Variants in STAB1 observed in about 807,000 individuals in gnomAD.
The protein encoded by STAB1 is stabilin 1, also known as stabilin-1.
STAB1 carries 250 observed loss-of-function variants against 332.4 expected under a neutral mutation model. That is an observed-to-expected ratio of 0.75 (90% confidence interval 0.68 to 0.84). The LOEUF is 0.84. STAB1 is among the 40% of genes least tolerant of loss of function. The pLI, the probability that STAB1 is intolerant of heterozygous loss-of-function variation, is 0.00. For synonymous variants in STAB1, 1,475 were observed against 1,390.4 expected, an observed-to-expected ratio of 1.06 and a Z score of -1.35; for missense variants, 3,249 against 3,489.7, an observed-to-expected ratio of 0.93 and a Z score of 1.74.
chr3:52,496,841 C>T (rs984629205), intron 1 of STAB1, among the ~76,000 whole-genome samples: 1 of 152,180 alleles, frequency 6.6e-6, no homozygotes, highest in Non-Finnish European at 1.5e-5. Context: ...CAGTGCTGGC[C>T]ACTCTAACAC....
rs1420214931 is a variant in STAB1, at chr3:52,502,079, C to G, written c.405C>G (p.Thr135=). 5 of 1,613,622 alleles carry G rather than the reference C, an allele frequency of 3.1e-6. No homozygotes were observed. The South Asian group carries it at 5.5e-5, about 18-fold the overall frequency. ...TGGATGGCATGGACAGGAATGGGACCTGTGTGTGCCAGGTAAGGGCTGGGC... is the reference window on the plus strand; with the variant it reads ...TGGATGGCATGGACAGGAATGGGACGTGTGTGTGCCAGGTAAGGGCTGGGC... ...TCLDGMDRNG[T]CVCQENFRGS... The change falls in exon 4 of 69, where the codon ACC becomes ACG. Residue 135 remains threonine, a synonymous_variant. Transcript: ENST00000321725.
chr3:52,504,469 T>G lies in STAB1; in HGVS notation c.1159T>G (p.Cys387Gly). The change falls in exon 11 of 69, where the codon TGC becomes GGC. Residue 387 changes from cysteine (C) to glycine (G), a missense_variant. Transcript: ENST00000321725. ...CTCACCCTGCCCCCCAGACCAGGGC[T>G]GCCGGGAAATCCTTACCACAGCGGG... Reference protein sequence around the residue: ...RVAVAMMDQGCREILTTAGPF... With the variant: ...RVAVAMMDQGGREILTTAGPF... The G allele has an allele frequency of 1.2e-6, 2 of 1,614,004 alleles. No homozygotes were observed. Among genetic ancestry groups the G allele is most frequent in the Non-Finnish European group, 8.5e-7 (1 of 1,180,000 alleles).
At position 52,508,015 on chromosome 3, in the gene STAB1, C is replaced by G. The variant is rs763035003; in HGVS notation, c.2137C>G (p.Gln713Glu). ...LKKGCASYCN[Q>E]TIMEQGCCKG... is the part of the protein sequence containing the mutation. ...GAAGGGCTGTGCCAGCTACTGCAAC[C>G]AAACCATCATGGTAAGCGTGGGCAT... The change falls in exon 20 of 69, where the codon CAA becomes GAA. Residue 713 changes from glutamine (Q) to glutamate (E), a missense_variant. Coordinates refer to ENST00000321725, the MANE Select transcript of STAB1 (RefSeq NM_015136.3). 1.7e-5 allele frequency: 27 copies of G among 1,613,416 alleles called. No homozygotes were observed. The Admixed American group carries it at 4.3e-4, about 26-fold the overall frequency.
rs368213653 is a variant in STAB1, at chr3:52,505,328, G to A, written c.1528G>A (p.Gly510Arg). 2.4e-5 allele frequency: 38 copies of A among 1,613,490 alleles called. No homozygotes were observed. Among genetic ancestry groups the A allele is most frequent in the South Asian group, 6.6e-5 (6 of 91,068 alleles). The change falls in exon 14 of 69, where the codon GGA becomes AGA. Residue 510 changes from glycine (G) to arginine (R), a missense_variant. Gly to Arg is a moderately radical substitution (Grantham distance 125). Transcript: ENST00000321725. ...GTPGDPKRTI[G>R]QILASTEAFS... Reference sequence around the variant, plus strand: ...TCATCCCTCCTTACAGAGAACTATCGGACAGATCCTCGCCTCTACCGAGGC... The same window carrying A: ...TCATCCCTCCTTACAGAGAACTATCAGACAGATCCTCGCCTCTACCGAGGC...
intron 59 of STAB1, 23 bp from the exon 60 acceptor site, chr3:52,522,307 C>T: frequency 6.2e-7 from 1 of 1,612,404 alleles, no homozygotes; most frequent in Non-Finnish European, 8.5e-7. Flanking sequence ...GTGAAGGGCG[C>T]CCACTGCTCT....
chr3:52,508,047 C>T, intron 20 of STAB1, 21 bp downstream of exon 20: 1 of 1,608,670 alleles, frequency 6.2e-7, no homozygotes, highest in Non-Finnish European at 8.5e-7. Context: ...GCATGGGTGC[C>T]CACTCCCAGG....
In STAB1 at chr3:52,521,718, C is replaced by T. The variant is rs759999496; in HGVS notation, c.6163+18C>T. The T allele has an allele frequency of 1.1e-5, 17 of 1,611,626 alleles. No individual in the cohort carries two copies. Among genetic ancestry groups the T allele is most frequent in the Middle Eastern group, 1.6e-4 (1 of 6,070 alleles). On this transcript the variant is annotated intron_variant, in intron 57 of 68. Coordinates refer to ENST00000321725, the MANE Select transcript of STAB1 (RefSeq NM_015136.3). ...GCAACTGGGTGAGTAGCCCCGTGCTCGTGCCCACCCTACACACTTGTGTAC... is the reference window on the plus strand; with the variant it reads ...GCAACTGGGTGAGTAGCCCCGTGCTTGTGCCCACCCTACACACTTGTGTAC...
chr3:52,516,496 G>A, intron 39 of STAB1, 45 bp downstream of exon 39: 1 of 1,613,468 alleles, frequency 6.2e-7, no homozygotes, highest in Non-Finnish European at 8.5e-7. Context: ...TACTGAGGAG[G>A]CTGTTCCTGG....
rs1012640110 is a variant in STAB1 at position 52,508,269 on chromosome 3, A to G, written c.2149-4A>G. On this transcript the variant is annotated splice_polypyrimidine_tract_variant and splice_region_variant and intron_variant, in intron 20 of 68. Coordinates refer to ENST00000321725, the MANE Select transcript of STAB1 (RefSeq NM_015136.3). ...GCCTCTTGGACCTGTTCTGTCTCTT[A>G]TAGGAACAAGGCTGCTGCAAAGGTT... 1 of 1,610,552 alleles carries G rather than the reference A, an allele frequency of 6.2e-7. No individual in the cohort carries two copies. The highest frequency in any genetic ancestry group is 1.1e-5 in the South Asian group (1 of 90,886).
At position 52,512,966 on chromosome 3, in the gene STAB1, C is replaced by T. The variant is rs762216846; in HGVS notation, c.3158+8C>T. The T allele has an allele frequency of 3.5e-5, 56 of 1,605,260 alleles. No homozygotes were observed. Among genetic ancestry groups the T allele is most frequent in the East Asian group, 4.5e-5 (2 of 44,738 alleles). The stretch of plus-strand genomic sequence containing the variant: ...GCTGCCGAACCTGGTCAGGTGGGGC[C>T]GCCATTGCCAGGCTGTGGGAGGGGC... On this transcript the variant is annotated splice_region_variant and intron_variant, in intron 29 of 68. Coordinates refer to ENST00000321725, the MANE Select transcript of STAB1 (RefSeq NM_015136.3).
intron 63 of STAB1, 25 bp downstream of exon 63, chr3:52,523,159 CG>C (rs771082556): frequency 1.9e-6 from 3 of 1,608,868 alleles, no homozygotes; most frequent in East Asian, 2.2e-5. Context: ...CCCTTGGGGG[CG>C]GGGGGTGCTG....
chr3:52,520,040 C>A lies in STAB1; in HGVS notation c.5332C>A (p.Arg1778Ser). ...CGCCTTTCGAGCTCTGCCTCCGGATCGCCAGGCCTGGCTGTACCATGAGGA... is the reference window on the plus strand; with the variant it reads ...CGCCTTTCGAGCTCTGCCTCCGGATAGCCAGGCCTGGCTGTACCATGAGGA... ...DAAFRALPPD[R>S]QAWLYHEDHR... Residue 1778 changes from arginine to serine, a missense_variant, in exon 51 of 69, where the codon CGC becomes AGC. Physicochemically the swap from Arg to Ser is moderately radical, Grantham distance 110 (BLOSUM62 -1). Transcript: ENST00000321725. 6.2e-7 allele frequency: 1 copy of A among 1,612,702 alleles called. No individual in the cohort carries two copies. Among genetic ancestry groups the A allele is most frequent in the Non-Finnish European group, 8.5e-7 (1 of 1,179,922 alleles).
At position 52,516,140 on chromosome 3, in the gene STAB1, G is replaced by C; in HGVS notation, c.4046G>C (p.Arg1349Thr). Reference sequence around the variant, plus strand: ...TCAGGCCATGGGCAGTGCCAGGACAGGTTCCTGGGCAGCGGGGAGTGCCAC... The same window carrying C: ...TCAGGCCATGGGCAGTGCCAGGACACGTTCCTGGGCAGCGGGGAGTGCCAC... ...VCSGHGQCQD[R>T]FLGSGECHCH... is the part of the protein sequence containing the mutation. The change falls in exon 38 of 69, where the codon AGG becomes ACG. Residue 1349 changes from arginine to threonine, a missense_variant. Arg to Thr is a moderately conservative substitution (Grantham distance 71, BLOSUM62 -1). Transcript: ENST00000321725. 1 of 1,612,274 alleles carries C rather than the reference G, an allele frequency of 6.2e-7. No homozygotes were observed. The highest frequency in any genetic ancestry group is 8.5e-7 in the Non-Finnish European group (1 of 1,179,744).
Position 52,524,429 on chromosome 3 carries a change from C to T in STAB1, c.*73C>T, listed in dbSNP as rs1430901018. 2 of 1,611,828 alleles carry T rather than the reference C, an allele frequency of 1.2e-6. No individual in the cohort carries two copies. Among genetic ancestry groups the T allele is most frequent in the Non-Finnish European group, 1.7e-6 (2 of 1,179,222 alleles). On this transcript the variant is annotated 3_prime_UTR_variant, in exon 69 of 69. Transcript: ENST00000321725. ...TTATTGCTTGTCTGGGTGGATGGGG[C>T]AGGAGGGGCTGAGGGCCTGTCCCAG...
intron 1 of STAB1, among the ~76,000 whole-genome samples, chr3:52,497,407 CT>C (rs1200611448): frequency 0.038 from 4,244 of 111,810 alleles, 40 homozygotes; most frequent in African/African-American, 0.11. Flanking sequence ...AATTCGATGC[CT>C]TTTTTTTTTT....
chr3:52,496,279 C>T (rs1003378764), intron 1 of STAB1, among the ~76,000 whole-genome samples: 1 of 152,248 alleles, frequency 6.6e-6, no homozygotes, highest in Non-Finnish European at 1.5e-5. Flanking sequence ...ATGGTAGGGG[C>T]CTCTGGGAGC....
rs80100010 is a variant in STAB1 at position 52,522,592 on chromosome 3, C to T, written c.6648C>T (p.Ser2216=). ...RAGVFHLQAT[S]GPYGLNFSEA... ...GCGTTTTCCACCTCCAGGCCACCAG[C>T]GGCCCTTATGGTCTGAACTTTTCGG... is the stretch of plus-strand genomic sequence containing the variant. The change falls in exon 61 of 69, where the codon AGC becomes AGT. Residue 2216 remains serine (S), a synonymous_variant. Transcript: ENST00000321725. 3,068 of 1,613,060 alleles carry T rather than the reference C, an allele frequency of 1.9e-3. 61 individuals are homozygous for T. The African/African-American group carries it at 0.037, about 19-fold the overall frequency.
intron 1 of STAB1, among the ~76,000 whole-genome samples, chr3:52,496,999 T>C (rs1019895191): frequency 2.0e-5 from 3 of 152,214 alleles, no homozygotes; most frequent in Non-Finnish European, 4.4e-5. Context: ...CTACTGAACA[T>C]GTTCAGACTT....
At chr3:52,508,421 C>T in intron 21 of STAB1, 62 bp downstream of exon 21, 2 of 1,546,836 alleles carry the variant, frequency 1.3e-6, no homozygotes, top group East Asian at 2.3e-5. Context: ...CACCGGTTGG[C>T]CAGTGACTGG....
Sources: allele counts gnomAD v4.1 joint callset (sites outside exome capture counted in the v4.1 genomes callset), GRCh38; gene constraint gnomAD v4.1.1; transcripts MANE v1.5; gene names NCBI Gene and HGNC (gene_info 2026-07-23, HGNC 2026-07-21).